Variants in DCHS2 observed in about 807,000 individuals in gnomAD.
The protein encoded by DCHS2 is dachsous cadherin-related 2.
Under a neutral mutation model 182.4 loss-of-function variants are expected in DCHS2, and 142 were observed. The ratio of observed to expected loss-of-function variants is 0.78; its 90% CI spans 0.68 to 0.89. The LOEUF (loss-of-function observed/expected upper bound fraction) is 0.89. Among genes scored for constraint, DCHS2 ranks in the 40% least tolerant of loss-of-function variants. The pLI, the probability that DCHS2 is intolerant of heterozygous loss-of-function variation, is 0.00. For synonymous variants in DCHS2, 1,740 were observed against 1,663.3 expected, an observed-to-expected ratio of 1.05 and a Z score of -1.12; for missense variants, 4,319 against 4,198.6, an observed-to-expected ratio of 1.03 and a Z score of -0.79.
intron 1 of DCHS2, among the ~76,000 whole-genome samples, chr4:154,451,154 C>G (rs1376602573): frequency 6.6e-6 from 1 of 152,206 alleles, no homozygotes; most frequent in Non-Finnish European, 1.5e-5. Flanking sequence ...GCCAAAGGAT[C>G]TGGCAGATAC....
chr4:154,242,010 A>G (rs1731849010), intron 17 of DCHS2, among the ~76,000 whole-genome samples: 1 of 152,142 alleles, frequency 6.6e-6, no homozygotes, highest in Non-Finnish European at 1.5e-5. Flanking sequence ...CATTATTTTC[A>G]TCTTCAACTA....
chr4:154,340,742 A>C (rs1729024555), intron 3 of DCHS2, among the ~76,000 whole-genome samples: 1 of 152,242 alleles, frequency 6.6e-6, no homozygotes, highest in South Asian at 2.1e-4. Context: ...GGAAAGGAAA[A>C]GGGAAGAAAA....
At chr4:154,359,014 A>G (rs1729997337) in intron 3 of DCHS2, among the ~76,000 whole-genome samples, 2 of 151,948 alleles carry the variant, frequency 1.3e-5, no homozygotes, top group African/African-American at 4.8e-5. Context: ...TATATTGGTC[A>G]GAGTAAAATT....
intron 1 of DCHS2, among the ~76,000 whole-genome samples, chr4:154,485,581 G>C (rs1728555144): frequency 6.6e-6 from 1 of 152,208 alleles, no homozygotes; most frequent in South Asian, 2.1e-4. Flanking sequence ...TTTGCTTGTT[G>C]CTGTCCCCAG....
chr4:154,443,932 C>T (rs1389244439), intron 1 of DCHS2, among the ~76,000 whole-genome samples: 2 of 152,182 alleles, frequency 1.3e-5, no homozygotes, highest in Non-Finnish European at 2.9e-5. Context: ...TCATTTGTAT[C>T]CAGCTTTCAT....
At chr4:154,441,483 A>C (rs936775732) in intron 1 of DCHS2, among the ~76,000 whole-genome samples, 3 of 152,208 alleles carry the variant, frequency 2.0e-5, no homozygotes, top group African/African-American at 7.2e-5. Context: ...AAATAAAAGT[A>C]AACTGAAAAT....
rs74783044 is a variant in DCHS2, at chr4:154,350,958, G to T, written c.2476+15252C>A. Among the ~76,000 whole-genome samples, 690 of 152,266 alleles carry T rather than the reference G, an allele frequency of 4.5e-3. 8 individuals carry two copies. Among genetic ancestry groups the T allele is most frequent in the African/African-American group, 0.016 (660 of 41,562 alleles). ...CTCAGGGAAAATGCAGGAAAAGAAG[G>T]GATGGCCAGAGGTTCAGGAAGAGGG... On this transcript the variant is annotated intron_variant, in intron 3 of 19. Coordinates refer to ENST00000357232, the MANE Select transcript of DCHS2 (RefSeq NM_001358235.2).
At chr4:154,395,682 A>G (rs751887907) in intron 1 of DCHS2, among the ~76,000 whole-genome samples, 3 of 152,230 alleles carry the variant, frequency 2.0e-5, no homozygotes, top group Non-Finnish European at 2.9e-5. Context: ...TTTTCAAAGC[A>G]CAAGCAAATT....
chr4:154,485,273 A>G (rs981570832), intron 1 of DCHS2, among the ~76,000 whole-genome samples: 6 of 152,188 alleles, frequency 3.9e-5, no homozygotes, highest in African/African-American at 1.4e-4. Context: ...ATGTAAGGAG[A>G]CAATGGGCAG....
At chr4:154,414,208 G>T (rs111722227) in intron 1 of DCHS2, among the ~76,000 whole-genome samples, 5,009 of 150,844 alleles carry the variant, frequency 0.033, 112 homozygotes, top group African/African-American at 0.046. Context: ...GAGAGAGAGA[G>T]ATATAGATAT....
chr4:154,240,630 A>C lies in DCHS2; in HGVS notation c.7266T>G (p.Ile2422Met), dbSNP rs749743085. Residue 2422 changes from isoleucine (I) to methionine (M), a missense_variant, in exon 18 of 20, where the codon ATT becomes ATG. Transcript: ENST00000357232. Reference sequence around the variant, plus strand: ...CCTCTGTGTAGTGCACTGAATCAGAAATTTGGATGAGCAGCTCATATTCAG... The same window carrying C: ...CCTCTGTGTAGTGCACTGAATCAGACATTTGGATGAGCAGCTCATATTCAG... ...EMTEYELLIQ[I>M]SDSVHYTEGA... 6.2e-7 allele frequency: 1 copy of C among 1,613,944 alleles called. No individual in the cohort carries two copies. Among genetic ancestry groups the C allele is most frequent in the East Asian group, 2.2e-5 (1 of 44,826 alleles).
chr4:154,300,890 A>C (rs200053281), intron 12 of DCHS2, among the ~76,000 whole-genome samples: 1 of 152,322 alleles, frequency 6.6e-6, no homozygotes, highest in East Asian at 1.9e-4. Context: ...GAATAAGTGA[A>C]GGGTGTTTAG....
chr4:154,330,971 CTG>C (rs1736495754), intron 5 of DCHS2, among the ~76,000 whole-genome samples: 1 of 152,206 alleles, frequency 6.6e-6, no homozygotes, highest in African/African-American at 2.4e-5. Context: ...ATGTAAAAGA[CTG>C]TGCAGCTCAG....
intron 1 of DCHS2, among the ~76,000 whole-genome samples, chr4:154,456,943 A>T (rs932186810): frequency 6.6e-6 from 1 of 152,174 alleles, no homozygotes; most frequent in African/African-American, 2.4e-5. Context: ...CAGTTTACTC[A>T]TAAGTACCCA....
rs1731299015 is a variant in DCHS2, at chr4:154,384,230, A to C, written c.2053-6786T>G. On this transcript the variant is annotated intron_variant, in intron 1 of 19. Coordinates refer to ENST00000357232, the MANE Select transcript of DCHS2 (RefSeq NM_001358235.2). ...CAAGTTCACCAAGTTCCAAAGTCTA[A>C]TGATCGAGGCTTGATCTTTATTTTC... The C allele has an allele frequency of 4.4e-6, 6 of 1,366,090 alleles. No individual in the cohort carries two copies. In the East Asian group the frequency reaches 1.4e-4, roughly 33 times the overall value. The allele number at this position is 1,366,090 out of a possible 1,614,324, so 84.6% of individuals were successfully genotyped here.
At chr4:154,449,622 C>T (rs1171814017) in intron 1 of DCHS2, among the ~76,000 whole-genome samples, 3 of 152,276 alleles carry the variant, frequency 2.0e-5, no homozygotes, top group East Asian at 1.9e-4. Flanking sequence ...ATACTCTTGC[C>T]TCGGCCTCCC....
At chr4:154,318,209 T>A (rs116218035) in intron 9 of DCHS2, among the ~76,000 whole-genome samples, 5,707 of 151,372 alleles carry the variant, frequency 0.038, 148 homozygotes, top group Middle Eastern at 0.06. Flanking sequence ...TTTATATATA[T>A]ATGCATACGT....
intron 7 of DCHS2, chr4:154,323,334 CAAAAA>C (rs145036588): frequency 1.2e-5 from 17 of 1,440,006 alleles, no homozygotes; most frequent in Admixed American, 4.8e-5. Flanking sequence ...GTCTAGCTGC[CAAAAA>C]AAAAAAAAAA....
intron 12 of DCHS2, chr4:154,298,963 C>A: frequency 2.8e-6 from 1 of 358,576 alleles, no homozygotes; most frequent in Non-Finnish European, 4.7e-6. Context: ...ATAATTAGAA[C>A]ACTTGCTTTC....
Sources: gnomAD v4.1 joint callset for allele counts (sites outside exome capture counted in the v4.1 genomes callset) on GRCh38, gnomAD v4.1.1 for gene constraint, MANE v1.5 for transcripts, NCBI Gene and HGNC (gene_info 2026-07-23, HGNC 2026-07-21) for gene names.